The following SOX6 variants were observed in gnomAD, a reference collection of about 807,000 sequenced individuals.
SOX6 encodes the protein transcription factor SOX-6.
Under a neutral mutation model 97.8 loss-of-function variants are expected in SOX6, and 11 were observed. The ratio of observed to expected loss-of-function variants is 0.11; its 90% CI spans 0.07 to 0.19. The LOEUF (loss-of-function observed/expected upper bound fraction) is 0.19. Among genes scored for constraint, SOX6 ranks in the 10% least tolerant of loss-of-function variants. The probability of loss-of-function intolerance (pLI) is 1.00; values close to 1 mark genes in which losing one functional copy is unlikely to be tolerated. For synonymous variants in SOX6, 360 were observed against 371.4 expected (o/e 0.97, Z 0.35); for missense variants, 810 against 1,039.5 (o/e 0.78, Z 3.04).
intron 4 of SOX6, among the ~76,000 whole-genome samples, chr11:16,497,617 C>A (rs1447902080): frequency 6.6e-6 from 1 of 152,040 alleles, no homozygotes; most frequent in Non-Finnish European, 1.5e-5. Context: ...TACAGAAGTC[C>A]TTAAAGGACC....
intron 13 of SOX6, among the ~76,000 whole-genome samples, chr11:16,010,020 A>G (rs1279114728): frequency 6.6e-6 from 1 of 151,938 alleles, no homozygotes; most frequent in Non-Finnish European, 1.5e-5. Flanking sequence ...TGTGTTTTAA[A>G]GAAAAGAAGA....
At chr11:16,310,285 T>G (rs1855561078) in intron 3 of SOX6, among the ~76,000 whole-genome samples, 1 of 152,062 alleles carries the variant, frequency 6.6e-6, no homozygotes, top group Non-Finnish European at 1.5e-5. Context: ...TTAAGTTTTT[T>G]AAGGTAATAT....
intron 3 of SOX6, chr11:16,314,313 T>C (rs961370550): frequency 1.3e-5 from 2 of 152,208 alleles, no homozygotes; most frequent in Non-Finnish European, 2.9e-5. Context: ...TTTCTGTCTA[T>C]ATAAATCCTT....
chr11:16,179,647 TA>T (rs1201865069), intron 6 of SOX6, among the ~76,000 whole-genome samples: 1 of 151,826 alleles, frequency 6.6e-6, no homozygotes, highest in East Asian at 1.9e-4. Flanking sequence ...ACATTAATCA[TA>T]AAGAAAACAA....
At chr11:16,182,875 T>C (rs755883808) in intron 6 of SOX6, among the ~76,000 whole-genome samples, 104 of 151,968 alleles carry the variant, frequency 6.8e-4, no homozygotes, top group Non-Finnish European at 2.7e-4. Context: ...AGATAGAATA[T>C]TGCAGTAAAC....
chr11:16,151,857 T>C (rs1230327907), intron 6 of SOX6, among the ~76,000 whole-genome samples: 1 of 152,120 alleles, frequency 6.6e-6, no homozygotes, highest in Non-Finnish European at 1.5e-5. Flanking sequence ...AAAGAACACA[T>C]ACATAACCAA....
intron 2 of SOX6, among the ~76,000 whole-genome samples, chr11:16,332,274 A>C (rs1856328865): frequency 6.6e-6 from 1 of 152,162 alleles, no homozygotes; most frequent in Non-Finnish European, 1.5e-5. Flanking sequence ...CTCAGTGCTT[A>C]TGCAAAAAAT....
chr11:16,450,864 A>G (rs1447739246), intron 1 of SOX6, among the ~76,000 whole-genome samples: 1 of 152,246 alleles, frequency 6.6e-6, no homozygotes, highest in East Asian at 1.9e-4. Context: ...ATGCATGGAA[A>G]TAAATTATGA....
At chr11:16,492,416 G>A (rs947441834) in intron 4 of SOX6, among the ~76,000 whole-genome samples, 6 of 152,150 alleles carry the variant, frequency 3.9e-5, no homozygotes, top group Non-Finnish European at 5.9e-5. Context: ...TGAAGCCCAC[G>A]GAAATATGTT....
At chr11:16,699,109 T>C (rs1423690381) in intron 3 of SOX6, among the ~76,000 whole-genome samples, 1 of 152,264 alleles carries the variant, frequency 6.6e-6, no homozygotes, top group Non-Finnish European at 1.5e-5. Context: ...GTATGTTCTA[T>C]GCACTGGGTT....
intron 10 of SOX6, among the ~76,000 whole-genome samples, chr11:16,055,115 A>G (rs1847780957): frequency 6.6e-6 from 1 of 152,164 alleles, no homozygotes; most frequent in South Asian, 2.1e-4. Flanking sequence ...ATCAAAGAGC[A>G]TTTATTAAGG....
intron 12 of SOX6, among the ~76,000 whole-genome samples, chr11:16,026,520 T>A (rs538798386): frequency 6.6e-6 from 1 of 152,152 alleles, no homozygotes; most frequent in African/African-American, 2.4e-5. Context: ...TTGAGACTCA[T>A]TATGGTGGCA....
chr11:16,721,594 CTCTCTT>C (rs1848266268), intron 2 of SOX6, among the ~76,000 whole-genome samples: 1 of 58,090 alleles, frequency 1.7e-5, no homozygotes, highest in African/African-American at 8.2e-5. Flanking sequence ...CTCTCTCTCT[CTCTCTT>C]CCCTCCCTCC....
At chr11:16,564,054 A>G (rs1330179838) in intron 4 of SOX6, among the ~76,000 whole-genome samples, 2 of 152,202 alleles carry the variant, frequency 1.3e-5, no homozygotes, top group Non-Finnish European at 2.9e-5. Context: ...TCTCAAATGA[A>G]GGAAAATGAA....
At chr11:16,728,185 C>A (rs1230797411) in intron 2 of SOX6, among the ~76,000 whole-genome samples, 1 of 152,196 alleles carries the variant, frequency 6.6e-6, no homozygotes, top group African/African-American at 2.4e-5. Flanking sequence ...AACGTTCCTG[C>A]CTGCTGGTTC....
At chr11:16,038,199 G>A (rs1855566417) in intron 12 of SOX6, among the ~76,000 whole-genome samples, 1 of 152,152 alleles carries the variant, frequency 6.6e-6, no homozygotes, top group African/African-American at 2.4e-5. Flanking sequence ...TAAGAGTCTT[G>A]AGCATCCAGG....
At chr11:16,383,446 G>C (rs565286397) in intron 1 of SOX6, among the ~76,000 whole-genome samples, 1 of 151,998 alleles carries the variant, frequency 6.6e-6, no homozygotes, top group South Asian at 2.1e-4. Flanking sequence ...AGCACACCTA[G>C]GTTCAAATCC....
intron 3 of SOX6, among the ~76,000 whole-genome samples, chr11:16,302,891 C>T (rs562695484): frequency 2.3e-4 from 35 of 152,174 alleles, no homozygotes; most frequent in Non-Finnish European, 4.6e-4. Flanking sequence ...CCAGCCAACA[C>T]AGCATTTTAT....
At chr11:16,078,757 C>T (rs1167520053) in intron 9 of SOX6, among the ~76,000 whole-genome samples, 1 of 151,930 alleles carries the variant, frequency 6.6e-6, no homozygotes, top group Non-Finnish European at 1.5e-5. Flanking sequence ...GTCAAGAAAA[C>T]TCAGAGAAGG....
Sources: gnomAD v4.1 joint callset for allele counts (sites outside exome capture counted in the v4.1 genomes callset) on GRCh38, gnomAD v4.1.1 for gene constraint, MANE v1.5 for transcripts, NCBI Gene and HGNC (gene_info 2026-07-23, HGNC 2026-07-21) for gene names.